Variants in MAGI2 observed in about 807,000 individuals in gnomAD.
The protein encoded by MAGI2 is membrane-associated guanylate kinase, WW and PDZ domain-containing protein 2.
MAGI2 carries 35 observed loss-of-function variants against 133.3 expected under a neutral mutation model. That is an observed-to-expected ratio of 0.26 (90% CI 0.20 to 0.35). The LOEUF (loss-of-function observed/expected upper bound fraction) is 0.35, where lower values mean the gene tolerates loss of function less well. Among genes scored for constraint, MAGI2 ranks in the 10% least tolerant of loss-of-function variants. The pLI is 1.00. For synonymous variants in MAGI2, 729 were observed against 710.6 expected (o/e 1.03, Z -0.41); for missense variants, 1,636 against 1,863.4 (o/e 0.88, Z 2.25).
At chr7:78,459,188 C>T (rs1789690051) in intron 6 of MAGI2, among the ~76,000 whole-genome samples, 1 of 152,146 alleles carries the variant, frequency 6.6e-6, no homozygotes, top group Non-Finnish European at 1.5e-5. Flanking sequence ...TAATTAAAAT[C>T]CTTGAGATAT....
chr7:79,293,201 C>T (rs1836641969), intron 1 of MAGI2, among the ~76,000 whole-genome samples: 1 of 152,146 alleles, frequency 6.6e-6, no homozygotes, highest in African/African-American at 2.4e-5. Context: ...TCTTTGTAAG[C>T]CTGACTCCTT....
At position 78,845,421 on chromosome 7, in the gene MAGI2, T is replaced by A. The variant is rs188716590; in HGVS notation, c.418+161669A>T. Among the ~76,000 whole-genome samples the A allele has an allele frequency of 1.5e-4, 23 of 152,016 alleles. No homozygotes were observed. In the South Asian group the frequency reaches 2.1e-3, roughly 14 times the overall value. ...ATTATGGGGGAGAGAAGGTCAGCTC[T>A]AAACACATAACAAAGCAATTAATAC... On this transcript the variant is annotated intron_variant, in intron 2 of 21. Transcript: ENST00000354212.
intron 11 of MAGI2, among the ~76,000 whole-genome samples, chr7:78,198,963 A>T (rs1361634921): frequency 6.6e-6 from 1 of 152,212 alleles, no homozygotes; most frequent in Non-Finnish European, 1.5e-5. Context: ...ATAGCATAAG[A>T]TGTGAATCAG....
At chr7:79,028,235 G>GTATGTATATATA (rs1554336342) in intron 1 of MAGI2, among the ~76,000 whole-genome samples, 1 of 29,334 alleles carries the variant, frequency 3.4e-5, no homozygotes, top group East Asian at 1.1e-3. Flanking sequence ...ATATATGTAT[G>GTATGTATATATA]TATATATATA....
chr7:78,369,897 T>G (rs940537097), intron 6 of MAGI2, among the ~76,000 whole-genome samples: 1 of 151,940 alleles, frequency 6.6e-6, no homozygotes, highest in Non-Finnish European at 1.5e-5. Flanking sequence ...GGCAAAAACA[T>G]GCTGTCTGAA....
In MAGI2 at chr7:78,692,360, C is replaced by T. The variant is rs143810091; in HGVS notation, c.419-65121G>A. On this transcript the variant is annotated intron_variant, in intron 2 of 21. Transcript: ENST00000354212. ...CCTGTGTCCACGGCTTCCCTCTAGA[C>T]GGTGGTGTGTGATACCTTAGGGAGC... Among the ~76,000 whole-genome samples the T allele has an allele frequency of 2.5e-3, 376 of 152,200 alleles. 2 individuals carry two copies. Among genetic ancestry groups the T allele is most frequent in the African/African-American group, 8.7e-3 (360 of 41,506 alleles).
chr7:78,086,023 TAA>T (rs2151203179), intron 20 of MAGI2, among the ~76,000 whole-genome samples: 1 of 152,230 alleles, frequency 6.6e-6, no homozygotes, highest in South Asian at 2.1e-4. Flanking sequence ...TCCTCTAAAT[TAA>T]AATGTGAAAA....
intron 21 of MAGI2, among the ~76,000 whole-genome samples, chr7:78,022,778 G>C (rs2151039647): frequency 6.6e-6 from 1 of 152,240 alleles, no homozygotes; most frequent in South Asian, 2.1e-4. Flanking sequence ...CTGAGATTCA[G>C]GGAGACACTC....
chr7:79,178,641 G>A (rs1826336706), intron 1 of MAGI2, among the ~76,000 whole-genome samples: 1 of 151,712 alleles, frequency 6.6e-6, no homozygotes, highest in Non-Finnish European at 1.5e-5. Flanking sequence ...GAACCTGGGA[G>A]GCGGAGGTTG....
intron 9 of MAGI2, among the ~76,000 whole-genome samples, chr7:78,263,746 T>G (rs1415494048): frequency 6.6e-6 from 1 of 152,154 alleles, no homozygotes; most frequent in Non-Finnish European, 1.5e-5. Flanking sequence ...TCTAATGCCC[T>G]TTTCACTTAA....
At chr7:78,621,927 CG>C (rs376543789) in intron 3 of MAGI2, among the ~76,000 whole-genome samples, 2 of 151,966 alleles carry the variant, frequency 1.3e-5, no homozygotes, top group African/African-American at 4.8e-5. Context: ...GACTATTTTT[CG>C]GATGAGTGTT....
intron 1 of MAGI2, among the ~76,000 whole-genome samples, chr7:79,026,258 T>C (rs887578470): frequency 2.6e-5 from 4 of 152,176 alleles, no homozygotes; most frequent in African/African-American, 4.8e-5. Flanking sequence ...TGCAAAGTTG[T>C]CCATAATTTT....
chr7:78,352,905 G>T (rs914298691), intron 7 of MAGI2: 1 of 152,036 alleles, frequency 6.6e-6, no homozygotes, highest in Non-Finnish European at 1.5e-5. Flanking sequence ...GGAAAACTTC[G>T]AACTAACTCC....
At chr7:78,578,909 G>A (rs1802549061) in intron 3 of MAGI2, among the ~76,000 whole-genome samples, 1 of 152,052 alleles carries the variant, frequency 6.6e-6, no homozygotes, top group South Asian at 2.1e-4. Flanking sequence ...CCCCTTTGTT[G>A]GATATTTAAA....
intron 10 of MAGI2, among the ~76,000 whole-genome samples, chr7:78,212,410 T>C (rs1224481818): frequency 1.3e-5 from 2 of 152,026 alleles, no homozygotes; most frequent in African/African-American, 4.8e-5. Flanking sequence ...TGGCTGCAGC[T>C]AGAGAGAGAT....
intron 1 of MAGI2, among the ~76,000 whole-genome samples, chr7:79,168,989 C>G (rs887346159): frequency 6.8e-6 from 1 of 146,598 alleles, no homozygotes; most frequent in African/African-American, 2.5e-5. Context: ...TGCAAATAAT[C>G]TTTTGCCTAG....
At chr7:78,508,878 GA>G (rs1795327499) in intron 4 of MAGI2, among the ~76,000 whole-genome samples, 1 of 146,654 alleles carries the variant, frequency 6.8e-6, no homozygotes, top group African/African-American at 2.5e-5. Context: ...TTGTTAAATT[GA>G]AAAATAGTCT....
At chr7:78,773,291 G>A (rs1040430785) in intron 2 of MAGI2, among the ~76,000 whole-genome samples, 3 of 151,652 alleles carry the variant, frequency 2.0e-5, no homozygotes, top group Non-Finnish European at 2.9e-5. Flanking sequence ...ATGACTTAAA[G>A]AAGCCTATTA....
intron 6 of MAGI2, among the ~76,000 whole-genome samples, chr7:78,378,379 A>G (rs1794638691): frequency 6.6e-6 from 1 of 152,096 alleles, no homozygotes; most frequent in African/African-American, 2.4e-5. Context: ...TAAAATAACT[A>G]TATCTATATA....
Sources: gnomAD v4.1 joint callset for allele counts (sites outside exome capture counted in the v4.1 genomes callset) on GRCh38, gnomAD v4.1.1 for gene constraint, MANE v1.5 for transcripts, NCBI Gene and HGNC (gene_info 2026-07-23, HGNC 2026-07-21) for gene names.